The following RCL1 variants were observed in gnomAD, a reference collection of about 807,000 sequenced individuals.
RCL1 encodes RNA 3'-terminal phosphate cyclase-like protein.
A neutral mutation model predicts 42.4 loss-of-function variants in RCL1; 24 were observed. That is an observed-to-expected ratio of 0.57 (90% CI 0.41 to 0.80). RCL1 has a LOEUF of 0.80. Among genes scored for constraint, RCL1 ranks in the 30% least tolerant of loss-of-function variants. RCL1 has a pLI of 0.00. For missense variants in RCL1, 578 were observed against 467.9 expected (o/e 1.24, Z -2.17); for synonymous variants, 228 against 177.3 (o/e 1.29, Z -2.27).
At chr9:4,840,274 T>C (rs1817270796) in intron 5 of RCL1, among the ~76,000 whole-genome samples, 1 of 152,252 alleles carries the variant, frequency 6.6e-6, no homozygotes, top group African/African-American at 2.4e-5. Flanking sequence ...TACCTCGTTC[T>C]ACCTGTTGGA....
intron 8 of RCL1, among the ~76,000 whole-genome samples, chr9:4,859,541 C>A (rs758838470): frequency 6.6e-6 from 1 of 151,854 alleles, no homozygotes; most frequent in Non-Finnish European, 1.5e-5. Flanking sequence ...TAAGTAAATG[C>A]GAGGGTATTA....
intron 4 of RCL1, 142 bp from the exon 5 acceptor site, chr9:4,833,999 C>G (rs1281557940): frequency 3.3e-6 from 3 of 905,748 alleles, no homozygotes; most frequent in Non-Finnish European, 4.8e-6. Flanking sequence ...TGCTGTTGGT[C>G]TTGAAGGGAA....
intron 1 of RCL1, among the ~76,000 whole-genome samples, chr9:4,810,765 C>T (rs1162172167): frequency 6.6e-6 from 1 of 152,188 alleles, no homozygotes; most frequent in Non-Finnish European, 1.5e-5. Context: ...AGTTACTCCA[C>T]ATCCTATTCA....
intron 1 of RCL1, among the ~76,000 whole-genome samples, chr9:4,794,828 A>G (rs1035011698): frequency 7.2e-5 from 11 of 152,056 alleles, no homozygotes; most frequent in Non-Finnish European, 1.5e-4. Context: ...TCTCACACAT[A>G]TGAGCTCCCG....
At chr9:4,833,109 G>C (rs138523480) in intron 3 of RCL1, 45 bp from the exon 4 acceptor site, 3 of 1,334,250 alleles carry the variant, frequency 2.2e-6, no homozygotes, top group Non-Finnish European at 3.2e-6. Flanking sequence ...CTTGTATTCT[G>C]CTGAAGGCTT....
intron 7 of RCL1, among the ~76,000 whole-genome samples, chr9:4,848,812 A>G (rs1587730615): frequency 6.6e-6 from 1 of 152,148 alleles, no homozygotes; most frequent in South Asian, 2.1e-4. Flanking sequence ...AGGGAAGGAA[A>G]AGGGGGTGGA....
intron 1 of RCL1, among the ~76,000 whole-genome samples, chr9:4,815,689 A>G (rs561942677): frequency 6.6e-6 from 1 of 152,132 alleles, no homozygotes; most frequent in African/African-American, 2.4e-5. Context: ...CACTCCAGCC[A>G]TAGTTCTAAT....
At chr9:4,839,570 T>G in intron 5 of RCL1, 1,870 of 702,518 alleles carry the variant, frequency 2.7e-3, no homozygotes, top group Non-Finnish European at 3.0e-3. Flanking sequence ...CCAAAGGGTA[T>G]GAGATTCAGG....
At chr9:4,826,818 T>G (rs1816778227) in intron 2 of RCL1, 40 bp from the exon 3 acceptor site, 7 of 1,556,892 alleles carry the variant, frequency 4.5e-6, no homozygotes, top group Non-Finnish European at 4.3e-6. Flanking sequence ...CATTTTAGTT[T>G]TTTTCCTGCT....
At chr9:4,810,493 C>T (rs952556443) in intron 1 of RCL1, among the ~76,000 whole-genome samples, 7 of 151,986 alleles carry the variant, frequency 4.6e-5, no homozygotes, top group South Asian at 2.1e-4. Context: ...GACATATCTC[C>T]GTGTTGTAGC....
In RCL1 at chr9:4,839,726, G is replaced by C. The variant is rs1015966827; in HGVS notation, c.585-1506G>C. On this transcript the variant is annotated intron_variant, in intron 5 of 8. Transcript: ENST00000381750. ...CTTTGAGTCAAGTTAAATATTTATT[G>C]AGCATTTCTGAGTACAAAAGTGGTG... 1.1e-4 allele frequency: 110 copies of C among 981,828 alleles called. No homozygotes were observed. The Middle Eastern group carries it at 1.6e-3, about 14-fold the overall frequency. The allele number at this position is 981,828 out of a possible 1,614,324, so 60.8% of individuals were successfully genotyped here.
chr9:4,819,978 A>G (rs1016754335), intron 1 of RCL1, among the ~76,000 whole-genome samples: 5 of 152,212 alleles, frequency 3.3e-5, no homozygotes, highest in African/African-American at 1.2e-4. Flanking sequence ...CCCCCCATCC[A>G]CAAAAAGAAA....
chr9:4,837,723 C>T (rs1817186580), intron 5 of RCL1, among the ~76,000 whole-genome samples: 1 of 152,092 alleles, frequency 6.6e-6, no homozygotes, highest in African/African-American at 2.4e-5. Flanking sequence ...GCTGTAGTGC[C>T]GGGCACCTTG....
At chr9:4,836,342 A>C (rs1024887827) in intron 5 of RCL1, among the ~76,000 whole-genome samples, 4 of 152,022 alleles carry the variant, frequency 2.6e-5, no homozygotes, top group Non-Finnish European at 5.9e-5. Flanking sequence ...TGGGAAGTAC[A>C]TTCCTCACTG....
chr9:4,817,403 T>C (rs1028402861), intron 1 of RCL1, among the ~76,000 whole-genome samples: 9 of 152,092 alleles, frequency 5.9e-5, no homozygotes, highest in African/African-American at 2.2e-4. Context: ...TTATTTCCTT[T>C]TACAAATAAG....
chr9:4,807,788 G>A (rs2053233819), intron 1 of RCL1, among the ~76,000 whole-genome samples: 1 of 152,164 alleles, frequency 6.6e-6, no homozygotes, highest in African/African-American at 2.4e-5. Flanking sequence ...CAAAATGCTG[G>A]GATTACAGGC....
chr9:4,848,010 G>C (rs1334000067), intron 7 of RCL1, among the ~76,000 whole-genome samples: 1 of 152,186 alleles, frequency 6.6e-6, no homozygotes, highest in Non-Finnish European at 1.5e-5. Flanking sequence ...CTTCCTCCAT[G>C]ATGTCCTGTA....
chr9:4,813,057 A>T (rs924299517), intron 1 of RCL1, among the ~76,000 whole-genome samples: 1 of 152,006 alleles, frequency 6.6e-6, no homozygotes, highest in Non-Finnish European at 1.5e-5. Context: ...GATGCCCTTT[A>T]TTTCTGTGTC....
rs770335660 is a variant in RCL1, at chr9:4,793,185, A to G, written c.94A>G (p.Ile32Val). The change falls in exon 1 of 9, where the codon ATC becomes GTC. Residue 32 changes from isoleucine (I) to valine (V), a missense_variant. Ile to Val is a conservative substitution (Grantham distance 29). Coordinates refer to ENST00000381750, the MANE Select transcript of RCL1 (RefSeq NM_005772.5). ...TACCCTGAGCGGGCGCCCCGTCAAAATCCGAAAGATTCGGGCCAGAGACGA... is the reference window on the plus strand; with the variant it reads ...TACCCTGAGCGGGCGCCCCGTCAAAGTCCGAAAGATTCGGGCCAGAGACGA... Reference protein sequence around the residue: ...LSTLSGRPVKIRKIRARDDNP... With the variant: ...LSTLSGRPVKVRKIRARDDNP... 1 of 1,609,598 alleles carries G rather than the reference A, an allele frequency of 6.2e-7. No individual in the cohort carries two copies. Among genetic ancestry groups the G allele is most frequent in the Non-Finnish European group, 8.5e-7 (1 of 1,178,060 alleles).
Sources: gnomAD v4.1 joint callset for allele counts (sites outside exome capture counted in the v4.1 genomes callset) on GRCh38, gnomAD v4.1.1 for gene constraint, MANE v1.5 for transcripts, NCBI Gene and HGNC (gene_info 2026-07-23, HGNC 2026-07-21) for gene names.